The following LAMP3 variants were observed in gnomAD, a reference collection of about 807,000 sequenced individuals.
LAMP3 encodes lysosome associated membrane protein 3.
A neutral mutation model predicts 34.8 loss-of-function variants in LAMP3; 26 were observed. The ratio of observed to expected loss-of-function variants is 0.75; its 90% CI spans 0.55 to 1.04. LAMP3 has a LOEUF of 1.04. Ranked by LOEUF, LAMP3 falls within the 50% of genes least tolerant of loss-of-function variation. LAMP3 has a pLI of 0.00. For synonymous variants in LAMP3, 180 were observed against 201.9 expected, an observed-to-expected ratio of 0.89 and a Z score of 0.92; for missense variants, 495 against 524.0, an observed-to-expected ratio of 0.94 and a Z score of 0.54.
intron 5 of LAMP3, chr3:183,132,548 C>T: frequency 2.0e-6 from 2 of 985,356 alleles, no homozygotes; most frequent in Non-Finnish European, 2.4e-6. Flanking sequence ...CTGCCTATTG[C>T]CCCTAATTCC....
chr3:183,136,047 G>A (rs181124559), intron 4 of LAMP3, among the ~76,000 whole-genome samples, 160 bp from the exon 5 acceptor site: 113 of 152,242 alleles, frequency 7.4e-4, no homozygotes, highest in African/African-American at 2.1e-3. Context: ...ACCCTGGTGC[G>A]GTTTGGAGAC....
intron 4 of LAMP3, 90 bp from the exon 5 acceptor site, chr3:183,135,977 GCCTT>G (rs1428232634): frequency 3.0e-6 from 3 of 1,007,242 alleles, no homozygotes; most frequent in Non-Finnish European, 4.6e-6. Flanking sequence ...CAGCTAAATG[GCCTT>G]CCTTCCTTCC....
At chr3:183,157,820 A>T (rs1260590644) in intron 1 of LAMP3, among the ~76,000 whole-genome samples, 1 of 152,228 alleles carries the variant, frequency 6.6e-6, no homozygotes, top group Non-Finnish European at 1.5e-5. Context: ...ACTCAAATAA[A>T]TAAAAAAAGG....
chr3:183,160,023 G>A (rs1000349213), intron 1 of LAMP3, among the ~76,000 whole-genome samples: 3 of 152,286 alleles, frequency 2.0e-5, no homozygotes, highest in East Asian at 1.9e-4. Context: ...TCCTAATGAC[G>A]GATCTCCAGT....
At position 183,135,792 on chromosome 3, in the gene LAMP3, A is replaced by G; in HGVS notation, c.1042T>C (p.Ser348Pro). Residue 348 changes from serine (S) to proline (P), a missense_variant, in exon 5 of 6, where the codon TCA becomes CCA. Physicochemically the swap from Ser to Pro is moderately conservative, Grantham distance 74 (BLOSUM62 -1). Coordinates refer to ENST00000265598, the MANE Select transcript of LAMP3 (RefSeq NM_014398.4). The part of the protein sequence containing the change: ...KCVSEQSLQL[S>P]AHLQVKTTDV... ...GTTGTTTTCACCTGCAGGTGGGCTGACAACTGGAGGCTCTGTTCACTCACG... is the reference window on the plus strand; with the variant it reads ...GTTGTTTTCACCTGCAGGTGGGCTGGCAACTGGAGGCTCTGTTCACTCACG... 6.2e-7 allele frequency: 1 copy of G among 1,614,202 alleles called. No individual in the cohort carries two copies. Among genetic ancestry groups the G allele is most frequent in the Non-Finnish European group, 8.5e-7 (1 of 1,180,006 alleles).
In LAMP3 at chr3:183,162,627, G is replaced by T; in HGVS notation, c.29C>A (p.Ala10Glu). Residue 10 changes from alanine (A) to glutamate (E), a missense_variant, in exon 1 of 6, where the codon GCG becomes GAG. Transcript: ENST00000265598. MPRQLSAAA[A>E]LFASLAVILH... ...CTCACCGGCCAGGGACGCGAAGAGC[G>T]CGGCCGCCGCGCTGAGCTGCCGGGG... 1 of 1,544,410 alleles carries T rather than the reference G, an allele frequency of 6.5e-7. No homozygotes were observed.
rs1720737596 is a variant in LAMP3, at chr3:183,153,867, G to C, written c.574C>G (p.Pro192Ala). Reference protein sequence around the residue: ...GQKPVQPTHAPGTTAAAHNTT... With the variant: ...GQKPVQPTHAAGTTAAAHNTT... ...TTGTGGGCAGCTGCCGTTGTTCCTG[G>C]GGCATGGGTGGGTTGAACAGGCTTC... The change falls in exon 2 of 6, where the codon CCA becomes GCA. Residue 192 changes from proline to alanine, a missense_variant. By Grantham distance (27) the Pro-to-Ala change is conservative. Coordinates refer to ENST00000265598, the MANE Select transcript of LAMP3 (RefSeq NM_014398.4). 1 of 1,613,322 alleles carries C rather than the reference G, an allele frequency of 6.2e-7. No homozygotes were observed. Among genetic ancestry groups the C allele is most frequent in the African/African-American group, 1.3e-5 (1 of 75,040 alleles).
chr3:183,154,414 G>A (rs374652925), intron 1 of LAMP3, 23 bp from the exon 2 acceptor site: 14 of 1,544,932 alleles, frequency 9.1e-6, no homozygotes, highest in Non-Finnish European at 1.1e-5. Context: ...AAATAAAAGT[G>A]TTAAAAACAC....
intron 5 of LAMP3, among the ~76,000 whole-genome samples, chr3:183,130,281 C>G (rs1432389768): frequency 6.6e-6 from 1 of 151,692 alleles, no homozygotes; most frequent in South Asian, 2.1e-4. Flanking sequence ...GCCTCAGCCT[C>G]CCGAGTAGCT....
At chr3:183,139,079 GTGTT>G (rs983148686) in intron 4 of LAMP3, among the ~76,000 whole-genome samples, 1 of 152,070 alleles carries the variant, frequency 6.6e-6, no homozygotes, top group African/African-American at 2.4e-5. Flanking sequence ...CCCCCTGCTT[GTGTT>G]TGTTCATAGA....
chr3:183,153,079 G>GCAGGAGAATCGCTTGAAC (rs1057018356), intron 2 of LAMP3, among the ~76,000 whole-genome samples: 3 of 151,170 alleles, frequency 2.0e-5, no homozygotes, highest in Admixed American at 6.6e-5. Flanking sequence ...GGAGGCTGAG[G>GCAGGAGAATCGCTTGAAC]CAGGAGAATC....
chr3:183,134,279 G>A (rs542162514), intron 5 of LAMP3, among the ~76,000 whole-genome samples: 69 of 151,288 alleles, frequency 4.6e-4, no homozygotes, highest in Non-Finnish European at 8.7e-4. Flanking sequence ...GAACTCTGAA[G>A]TCTGTTGTTT....
At chr3:183,161,167 G>C (rs1576892128) in intron 1 of LAMP3, among the ~76,000 whole-genome samples, 4 of 152,308 alleles carry the variant, frequency 2.6e-5, no homozygotes, top group African/African-American at 4.8e-5. Context: ...CACCCGAAAG[G>C]TTGGGTGATG....
rs1720059555 is a variant in LAMP3 at position 183,135,636 on chromosome 3, C to T, written c.1117+81G>A. 5.4e-6 allele frequency: 7 copies of T among 1,299,590 alleles called. 1 individual carries two copies. In the Admixed American group the frequency reaches 5.5e-5, roughly 10 times the overall value. The allele number at this position is 1,299,590 out of a possible 1,614,324, so 80.5% of individuals were successfully genotyped here. On this transcript the variant is annotated intron_variant, in intron 5 of 5. Transcript: ENST00000265598. ...GCTCATGAGATGCTTGCTCCTTCGA[C>T]AGCTGCAGACAGAAAACACTTTGGA...
chr3:183,142,979 T>TAA (rs1720332011), intron 3 of LAMP3, among the ~76,000 whole-genome samples: 1 of 152,154 alleles, frequency 6.6e-6, no homozygotes, highest in South Asian at 2.1e-4. Context: ...AGGCCTTCCG[T>TAA]AAGCAGGGTG....
intron 2 of LAMP3, among the ~76,000 whole-genome samples, chr3:183,153,099 A>AG (rs1182945829): frequency 2.7e-5 from 4 of 146,546 alleles, no homozygotes; most frequent in Non-Finnish European, 4.5e-5. Flanking sequence ...CGCTTGAACC[A>AG]GGGAGGTGGA....
rs1441544773 is a variant in LAMP3 at position 183,123,197 on chromosome 3, T to C, written c.*884A>G. 1 of 152,192 alleles carries C rather than the reference T, an allele frequency of 6.6e-6. No individual in the cohort carries two copies. The highest frequency in any genetic ancestry group is 1.5e-5 in the Non-Finnish European group (1 of 68,044). The allele number at this position is 152,192 out of a possible 1,614,324, so 9.4% of individuals were successfully genotyped here. On this transcript the variant is annotated 3_prime_UTR_variant, in exon 6 of 6. Coordinates refer to ENST00000265598, the MANE Select transcript of LAMP3 (RefSeq NM_014398.4). ...AGATAAAAAATATAAGCTGATTTGTTCTTTTTGTTGGTTTTACATAAAAAC... is the reference window on the plus strand; with the variant it reads ...AGATAAAAAATATAAGCTGATTTGTCCTTTTTGTTGGTTTTACATAAAAAC...
Position 183,146,596 on chromosome 3 carries a change from C to T in LAMP3, c.888+5779G>A, listed in dbSNP as rs548507799. On this transcript the variant is annotated intron_variant, in intron 3 of 5. Coordinates refer to ENST00000265598, the MANE Select transcript of LAMP3 (RefSeq NM_014398.4). ...AGGCTGGAGTGCAATGGCACAATCT[C>T]GGCTCACTGCAACTTCCGTCTCCTG... is the stretch of plus-strand genomic sequence containing the variant. Among the ~76,000 whole-genome samples the T allele has an allele frequency of 8.1e-5, 12 of 148,928 alleles. No homozygotes were observed. In the South Asian group the frequency reaches 2.1e-3, roughly 26 times the overall value.
At chr3:183,139,898 T>C (rs909061901) in intron 4 of LAMP3, among the ~76,000 whole-genome samples, 13 of 152,214 alleles carry the variant, frequency 8.5e-5, no homozygotes, top group African/African-American at 2.9e-4. Flanking sequence ...TACATTTTAG[T>C]AGAATGAATG....
Sources: gnomAD v4.1 joint callset for allele counts (sites outside exome capture counted in the v4.1 genomes callset) on GRCh38, gnomAD v4.1.1 for gene constraint, MANE v1.5 for transcripts, NCBI Gene and HGNC (gene_info 2026-07-23, HGNC 2026-07-21) for gene names.